Variants in MAN1A2 observed in about 807,000 individuals in gnomAD.
The protein encoded by MAN1A2 is mannosyl-oligosaccharide 1,2-alpha-mannosidase IB.
A neutral mutation model predicts 75.7 loss-of-function variants in MAN1A2; 26 were observed. The observed-to-expected ratio is 0.34, with a 90% confidence interval of 0.25 to 0.48. MAN1A2 has a LOEUF of 0.48. Ranked by LOEUF, MAN1A2 falls within the 20% of genes least tolerant of loss-of-function variation. The probability of loss-of-function intolerance (pLI) is 0.99; values close to 1 mark genes in which losing one functional copy is unlikely to be tolerated. For missense variants in MAN1A2, 562 were observed against 775.5 expected (o/e 0.72, Z 3.27); for synonymous variants, 247 against 264.6 (o/e 0.93, Z 0.65).
chr1:117,489,732 C>T (rs1650822151), intron 8 of MAN1A2, among the ~76,000 whole-genome samples: 1 of 151,962 alleles, frequency 6.6e-6, no homozygotes, highest in South Asian at 2.1e-4. Context: ...GTTCTGGAAA[C>T]TTATTCTTTT....
chr1:117,390,379 A>T (rs78777341), intron 1 of MAN1A2, among the ~76,000 whole-genome samples: 2,969 of 151,958 alleles, frequency 0.02, 32 homozygotes, highest in East Asian at 0.054. Flanking sequence ...TAAACAAGGA[A>T]TGTAAATTAT....
intron 4 of MAN1A2, among the ~76,000 whole-genome samples, chr1:117,419,939 A>G (rs772969075): frequency 6.6e-6 from 1 of 152,046 alleles, no homozygotes; most frequent in Admixed American, 6.6e-5. Context: ...GGAAATTTAT[A>G]TATTGCCACA....
At chr1:117,505,577 A>T (rs1046333776) in intron 12 of MAN1A2, among the ~76,000 whole-genome samples, 2 of 151,354 alleles carry the variant, frequency 1.3e-5, no homozygotes, top group African/African-American at 4.8e-5. Flanking sequence ...AAAAAGAAAC[A>T]TACAAATAAT....
At chr1:117,493,381 AT>A in intron 9 of MAN1A2, 119 bp downstream of exon 9, 2 of 561,200 alleles carry the variant, frequency 3.6e-6, no homozygotes, top group Non-Finnish European at 6.3e-6. Flanking sequence ...ACATACAAAC[AT>A]TTTATTATAT....
intron 11 of MAN1A2, among the ~76,000 whole-genome samples, chr1:117,500,773 A>G (rs1389986999): frequency 6.6e-6 from 1 of 151,866 alleles, no homozygotes; most frequent in Non-Finnish European, 1.5e-5. Context: ...TTCTCTGTGT[A>G]GGAGGGTGCT....
At chr1:117,510,219 A>T (rs1651491925) in intron 12 of MAN1A2, among the ~76,000 whole-genome samples, 1 of 152,132 alleles carries the variant, frequency 6.6e-6, no homozygotes, top group East Asian at 1.9e-4. Flanking sequence ...TTAGATTCCT[A>T]GAAGTAAAAT....
intron 12 of MAN1A2, among the ~76,000 whole-genome samples, chr1:117,514,074 T>G (rs746848317): frequency 6.6e-6 from 1 of 152,100 alleles, no homozygotes; most frequent in Non-Finnish European, 1.5e-5. Context: ...TGTTTGGAAG[T>G]TTTACAGGCT....
chr1:117,425,563 A>G (rs188134745), intron 5 of MAN1A2, among the ~76,000 whole-genome samples: 3 of 152,354 alleles, frequency 2.0e-5, no homozygotes, highest in African/African-American at 4.8e-5. Flanking sequence ...AAATCAACCA[A>G]TATAATTCAC....
chr1:117,402,072 A>G, intron 1 of MAN1A2, 114 bp from the exon 2 acceptor site: 3 of 1,106,318 alleles, frequency 2.7e-6, no homozygotes, highest in Non-Finnish European at 3.8e-6. Context: ...TTTTAATGGC[A>G]AAAGTAGAAA....
intron 5 of MAN1A2, among the ~76,000 whole-genome samples, chr1:117,425,505 A>G (rs1158151422): frequency 6.6e-6 from 1 of 152,194 alleles, no homozygotes; most frequent in Admixed American, 6.5e-5. Context: ...ATACATCATG[A>G]CCAAGTGGGG....
At chr1:117,490,060 A>G (rs1650832218) in intron 8 of MAN1A2, among the ~76,000 whole-genome samples, 1 of 151,994 alleles carries the variant, frequency 6.6e-6, no homozygotes, top group South Asian at 2.1e-4. Context: ...TGTAGTGTCA[A>G]ATTGGATAGG....
Position 117,447,663 on chromosome 1 carries a change from T to C in MAN1A2, c.950+5338T>C, listed in dbSNP as rs6686617. On this transcript the variant is annotated intron_variant, in intron 6 of 12. Coordinates refer to ENST00000356554, the MANE Select transcript of MAN1A2 (RefSeq NM_006699.5). ...AAATATAAAATCTTGTTCCAATGTT[T>C]ATTAATTTTTGAGTGAGATTGAATT... Among the ~76,000 whole-genome samples, 389 of 152,308 alleles carry C rather than the reference T, an allele frequency of 2.6e-3. 3 individuals carry two copies. The highest frequency in any genetic ancestry group is 8.9e-3 in the African/African-American group (371 of 41,592).
At chr1:117,431,416 T>A (rs1319914) in intron 5 of MAN1A2, among the ~76,000 whole-genome samples, 37,981 of 151,892 alleles carry the variant, frequency 0.25, 5,539 homozygotes, top group East Asian at 0.47. Context: ...CAAAGATTGT[T>A]GGATCCTTCA....
At chr1:117,446,529 A>T (rs556175489) in intron 6 of MAN1A2, among the ~76,000 whole-genome samples, 29 of 152,020 alleles carry the variant, frequency 1.9e-4, no homozygotes, top group African/African-American at 6.8e-4. Flanking sequence ...TTCCTGTAGA[A>T]TTTTTTCTTC....
chr1:117,417,444 G>A (rs564461852), intron 4 of MAN1A2, among the ~76,000 whole-genome samples: 7 of 145,558 alleles, frequency 4.8e-5, no homozygotes, highest in Non-Finnish European at 9.0e-5. Flanking sequence ...TCCTTATTTT[G>A]GATTAAATTA....
At chr1:117,460,838 C>A (rs1649794411) in intron 7 of MAN1A2, among the ~76,000 whole-genome samples, 1 of 152,046 alleles carries the variant, frequency 6.6e-6, no homozygotes, top group Non-Finnish European at 1.5e-5. Flanking sequence ...TTACATTTTT[C>A]AAAAATTTCA....
Position 117,524,111 on chromosome 1 carries a change from T to A in MAN1A2, c.*1154T>A, listed in dbSNP as rs1200087291. On this transcript the variant is annotated 3_prime_UTR_variant, in exon 13 of 13. Coordinates refer to ENST00000356554, the MANE Select transcript of MAN1A2 (RefSeq NM_006699.5). ...TGTTCACAGATATTTTATGTTTTTTTAATTTTCTCCAAGAATATTTATAGA... is the reference window on the plus strand; with the variant it reads ...TGTTCACAGATATTTTATGTTTTTTAAATTTTCTCCAAGAATATTTATAGA... The A allele has an allele frequency of 6.6e-6, 1 of 152,272 alleles. No homozygotes were observed. The highest frequency in any genetic ancestry group is 1.5e-5 in the Non-Finnish European group (1 of 67,822). The allele number at this position is 152,272 out of a possible 1,614,324, so 9.4% of individuals were successfully genotyped here.
chr1:117,451,556 A>G (rs1406509616), intron 6 of MAN1A2, among the ~76,000 whole-genome samples: 9 of 152,220 alleles, frequency 5.9e-5, no homozygotes, highest in South Asian at 4.1e-4. Flanking sequence ...CCCAAATCTC[A>G]TCTTCAATTC....
chr1:117,470,994 C>A (rs1399315864), intron 8 of MAN1A2, among the ~76,000 whole-genome samples: 5 of 151,478 alleles, frequency 3.3e-5, no homozygotes, highest in Admixed American at 3.3e-4. Context: ...TAGCAAGAAA[C>A]CTAGATTTAA....
Sources: gnomAD v4.1 joint callset for allele counts (sites outside exome capture counted in the v4.1 genomes callset) on GRCh38, gnomAD v4.1.1 for gene constraint, MANE v1.5 for transcripts, NCBI Gene and HGNC (gene_info 2026-07-23, HGNC 2026-07-21) for gene names.